The following CUX2 variants were observed in gnomAD, a reference collection of about 807,000 sequenced individuals.
The protein encoded by CUX2 is homeobox protein cut-like 2.
A neutral mutation model predicts 144.8 loss-of-function variants in CUX2; 40 were observed. That is an observed-to-expected ratio of 0.28 (90% CI 0.21 to 0.36). The LOEUF (loss-of-function observed/expected upper bound fraction) is 0.36. Ranked by LOEUF, CUX2 falls within the 10% of genes least tolerant of loss-of-function variation. The pLI is 1.00. For synonymous variants in CUX2, 827 were observed against 875.6 expected (o/e 0.94, Z 0.98); for missense variants, 1,615 against 1,994.0 (o/e 0.81, Z 3.62).
rs966010270 is a variant in CUX2 at position 111,178,652 on chromosome 12, A to G, written c.64-35548A>G. On this transcript the variant is annotated intron_variant, in intron 1 of 21. Coordinates refer to ENST00000261726, the MANE Select transcript of CUX2 (RefSeq NM_015267.4). The surrounding 1 kb of genome is among the most constrained non-coding windows in gnomAD (Gnocchi z 5.7). ...AATGAATATTTCTTAAATACCTACTATGTGCCTGGCATCATGCCAGGGGCT... is the reference window on the plus strand; with the variant it reads ...AATGAATATTTCTTAAATACCTACTGTGTGCCTGGCATCATGCCAGGGGCT... Among the ~76,000 whole-genome samples, 3 of 152,194 alleles carry G rather than the reference A, an allele frequency of 2.0e-5. No individual in the cohort carries two copies. The highest frequency in any genetic ancestry group is 1.9e-4 in the East Asian group (1 of 5,200).
chr12:111,127,530 C>T (rs1009803532), intron 1 of CUX2, among the ~76,000 whole-genome samples: 1 of 152,176 alleles, frequency 6.6e-6, no homozygotes, highest in African/African-American at 2.4e-5. Context: ...ATGAGAATCC[C>T]AAAGTGGCCA....
intron 1 of CUX2, among the ~76,000 whole-genome samples, chr12:111,097,059 G>C (rs1040224008): frequency 6.6e-6 from 1 of 152,160 alleles, no homozygotes; most frequent in Non-Finnish European, 1.5e-5. Flanking sequence ...AAGATAAAAA[G>C]GATTAAATCC....
rs551875887 is a variant in CUX2 at position 111,090,910 on chromosome 12, C to T, written c.63+56670C>T. ...ACTGAGAAACAATGCCATCACCAAA[C>T]AGCAGGTTCTAAGCAAGCACAAGCC... On this transcript the variant is annotated intron_variant, in intron 1 of 21. Transcript: ENST00000261726. 1.3e-4 allele frequency among the ~76,000 whole-genome samples: 20 copies of T among 152,182 alleles called. No individual in the cohort carries two copies. The South Asian group carries it at 4.2e-3, about 32-fold the overall frequency.
chr12:111,139,783 A>G (rs1876173784), intron 1 of CUX2, among the ~76,000 whole-genome samples: 1 of 152,170 alleles, frequency 6.6e-6, no homozygotes, highest in South Asian at 2.1e-4. Flanking sequence ...CGTTCAGAAC[A>G]ATTTTCTCCC....
chr12:111,112,569 G>A (rs1217564334), intron 1 of CUX2, among the ~76,000 whole-genome samples: 2 of 152,004 alleles, frequency 1.3e-5, no homozygotes, highest in Non-Finnish European at 2.9e-5. Flanking sequence ...ACAGGGGGAC[G>A]TGGGGGGAAC....
chr12:111,161,884 G>A (rs940434216), intron 1 of CUX2, among the ~76,000 whole-genome samples: 4 of 152,144 alleles, frequency 2.6e-5, no homozygotes, highest in East Asian at 3.9e-4. Flanking sequence ...ACAGGCATGC[G>A]CAAACATACC....
At chr12:111,210,632 C>A (rs1051435258) in intron 1 of CUX2, among the ~76,000 whole-genome samples, 4 of 151,694 alleles carry the variant, frequency 2.6e-5, no homozygotes, top group South Asian at 2.1e-4. Context: ...GTCTCTACCC[C>A]AAAAAAATGC....
intron 1 of CUX2, among the ~76,000 whole-genome samples, chr12:111,106,987 A>G (rs1436492468): frequency 6.6e-6 from 1 of 152,224 alleles, no homozygotes. Context: ...CAAGGCCCAC[A>G]TGGTGGCAAG....
At chr12:111,074,864 G>A (rs775187953) in intron 1 of CUX2, among the ~76,000 whole-genome samples, 28 of 150,888 alleles carry the variant, frequency 1.9e-4, no homozygotes, top group Admixed American at 3.9e-4. Flanking sequence ...TGGGGACACC[G>A]TGCCCCTCGG....
At position 111,277,418 on chromosome 12, in the gene CUX2, C is replaced by T. The variant is rs1323748319; in HGVS notation, c.301+13579C>T. 6.6e-6 allele frequency among the ~76,000 whole-genome samples: 1 copy of T among 152,030 alleles called. No homozygotes were observed. The highest frequency in any genetic ancestry group is 2.4e-5 in the African/African-American group (1 of 41,398). ...CCTTATCTGATGCAAGCCGTTTCTC[C>T]TGGTATTTCCTGTGTCTAGTATACT... On this transcript the variant is annotated intron_variant, in intron 4 of 21. Transcript: ENST00000261726. The surrounding 1 kb of genome is among the most constrained non-coding windows in gnomAD (Gnocchi z 5.0).
In CUX2 at chr12:111,322,309, G is replaced by A. The variant is rs185193597; in HGVS notation, c.2767-112G>A. The stretch of plus-strand genomic sequence containing the variant: ...CTCCATCCTGGGCGACAGACAAAGC[G>A]AGACTCTGCCTCAAAAAAAAAAAAA... On this transcript the variant is annotated intron_variant, in intron 17 of 21. Coordinates refer to ENST00000261726, the MANE Select transcript of CUX2 (RefSeq NM_015267.4). This position sits in a 1 kb window ranked among gnomAD's most constrained non-coding sequence, Gnocchi z 4.2. 145 of 1,169,304 alleles carry A rather than the reference G, an allele frequency of 1.2e-4. No individual in the cohort carries two copies. The highest frequency in any genetic ancestry group is 1.2e-3 in the Middle Eastern group (4 of 3,352). The allele number at this position is 1,169,304 out of a possible 1,614,324, so 72.4% of individuals were successfully genotyped here.
intron 12 of CUX2, 42 bp from the exon 13 acceptor site, chr12:111,308,242 CG>C: frequency 1.2e-6 from 2 of 1,612,572 alleles, no homozygotes; most frequent in Non-Finnish European, 8.5e-7. Flanking sequence ...TCCTCCAGCC[CG>C]GGGGCTGGCT....
Position 111,035,111 on chromosome 12 carries a change from G to C in CUX2, c.63+871G>C, listed in dbSNP as rs1040194176. Among the ~76,000 whole-genome samples, 5 of 152,134 alleles carry C rather than the reference G, an allele frequency of 3.3e-5. No individual in the cohort carries two copies. The highest frequency in any genetic ancestry group is 1.2e-4 in the African/African-American group (5 of 41,432). ...GCAGAGCAGGTGACTCCCAGCCCTC[G>C]GGCCCAAGGGAACTTTTAAATGAGA... On this transcript the variant is annotated intron_variant, in intron 1 of 21. Coordinates refer to ENST00000261726, the MANE Select transcript of CUX2 (RefSeq NM_015267.4). This position sits in a 1 kb window ranked among gnomAD's most constrained non-coding sequence, Gnocchi z 6.0.
At chr12:111,060,571 T>TTAA (rs1198310549) in intron 1 of CUX2, among the ~76,000 whole-genome samples, 1 of 152,236 alleles carries the variant, frequency 6.6e-6, no homozygotes, top group Non-Finnish European at 1.5e-5. Flanking sequence ...GTTTGGCACA[T>TTAA]ATTAGAGGCT....
At chr12:111,140,601 G>A (rs749511130) in intron 1 of CUX2, among the ~76,000 whole-genome samples, 2 of 152,110 alleles carry the variant, frequency 1.3e-5, no homozygotes, top group African/African-American at 2.4e-5. Flanking sequence ...ATTTACACGC[G>A]AAACTGGAAA....
chr12:111,081,872 T>G (rs879538968), intron 1 of CUX2, among the ~76,000 whole-genome samples: 7 of 152,140 alleles, frequency 4.6e-5, no homozygotes, highest in Non-Finnish European at 8.8e-5. Context: ...TTTCCAAAAC[T>G]GTAAGACCAC....
intron 1 of CUX2, among the ~76,000 whole-genome samples, chr12:111,106,043 T>G (rs1004126378): frequency 6.6e-6 from 1 of 152,044 alleles, no homozygotes; most frequent in Non-Finnish European, 1.5e-5. Flanking sequence ...ATTTTTATTT[T>G]TAGTAGACAT....
intron 1 of CUX2, among the ~76,000 whole-genome samples, chr12:111,193,819 G>A (rs1370098650): frequency 6.6e-6 from 1 of 152,236 alleles, no homozygotes; most frequent in East Asian, 1.9e-4. Flanking sequence ...CAAAGGGCAT[G>A]CGCAGACAGG....
intron 9 of CUX2, among the ~76,000 whole-genome samples, chr12:111,300,506 G>A (rs540741763): frequency 4.5e-4 from 68 of 152,218 alleles, no homozygotes; most frequent in African/African-American, 1.4e-3. Context: ...AGCTCCTTCC[G>A]TATCAGTATA....
Sources: gnomAD v4.1 joint callset for allele counts (sites outside exome capture counted in the v4.1 genomes callset) on GRCh38, gnomAD v4.1.1 for gene constraint, Gnocchi (gnomAD v3.1) non-coding constraint, MANE v1.5 for transcripts, NCBI Gene and HGNC (gene_info 2026-07-23, HGNC 2026-07-21) for gene names.